Variants in PTPRG observed in about 807,000 individuals in gnomAD.
The protein encoded by PTPRG is receptor-type tyrosine-protein phosphatase gamma.
A neutral mutation model predicts 165.3 loss-of-function variants in PTPRG; 102 were observed. The observed-to-expected ratio is 0.62, with a 90% CI of 0.53 to 0.73. PTPRG has a LOEUF of 0.73. PTPRG is among the 30% of genes least tolerant of loss of function. PTPRG has a pLI of 0.00. For synonymous variants in PTPRG, 675 were observed against 669.5 expected, an observed-to-expected ratio of 1.01 and a Z score of -0.13; for missense variants, 1,866 against 1,861.4, an observed-to-expected ratio of 1.00 and a Z score of -0.05.
chr3:62,085,055 A>G (rs537259046), intron 5 of PTPRG, among the ~76,000 whole-genome samples: 18 of 152,290 alleles, frequency 1.2e-4, no homozygotes, highest in African/African-American at 4.1e-4. Context: ...AAACTCTCTG[A>G]AGTTGAAGTC....
chr3:62,018,396 C>T (rs147202605), intron 4 of PTPRG, among the ~76,000 whole-genome samples: 1 of 152,318 alleles, frequency 6.6e-6, no homozygotes, highest in Admixed American at 6.5e-5. Flanking sequence ...TGCTCAATCT[C>T]ACCGTTTCCC....
chr3:61,961,229 G>A (rs1408619015), intron 2 of PTPRG, among the ~76,000 whole-genome samples: 1 of 152,218 alleles, frequency 6.6e-6, no homozygotes, highest in East Asian at 1.9e-4. Flanking sequence ...CATTATCTTA[G>A]GCAGCATAAG....
intron 2 of PTPRG, among the ~76,000 whole-genome samples, chr3:61,899,936 A>T (rs2038456206): frequency 1.3e-5 from 2 of 152,226 alleles, no homozygotes; most frequent in African/African-American, 4.8e-5. Context: ...GGCATAAGGG[A>T]TAATAACTCT....
At chr3:62,291,454 G>A (rs1702895729) in intron 28 of PTPRG, among the ~76,000 whole-genome samples, 1 of 151,770 alleles carries the variant, frequency 6.6e-6, no homozygotes, top group African/African-American at 2.4e-5. Flanking sequence ...CTGAAATGTA[G>A]TGATACACCT....
At chr3:61,578,245 G>T (rs1700210570) in intron 1 of PTPRG, among the ~76,000 whole-genome samples, 1 of 152,206 alleles carries the variant, frequency 6.6e-6, no homozygotes, top group Non-Finnish European at 1.5e-5. Flanking sequence ...CAATTTGAAA[G>T]GTAGAAGGGA....
chr3:61,613,336 G>A (rs1701224711), intron 1 of PTPRG, among the ~76,000 whole-genome samples: 1 of 152,116 alleles, frequency 6.6e-6, no homozygotes, highest in African/African-American at 2.4e-5. Context: ...GTTCCTTTAA[G>A]CAAAGCATCA....
intron 9 of PTPRG, among the ~76,000 whole-genome samples, chr3:62,192,076 C>T (rs924486641): frequency 6.6e-6 from 1 of 152,192 alleles, no homozygotes; most frequent in African/African-American, 2.4e-5. Context: ...TCCTCTTCCT[C>T]TTCCCCTACT....
In PTPRG at chr3:62,213,986, CAGA is replaced by C. The variant is rs1700431883; in HGVS notation, c.2156-4862_2156-4860del. Reference sequence around the variant, plus strand: ...CTGAGGCAGGAGGATCCCTTGAGCCCAGAAGTTCGAGACCAGCCTGGGCAACAT... The same window carrying C: ...CTGAGGCAGGAGGATCCCTTGAGCCCAGTTCGAGACCAGCCTGGGCAACAT... On this transcript the variant is annotated intron_variant, in intron 12 of 29. Coordinates refer to ENST00000474889, the MANE Select transcript of PTPRG (RefSeq NM_002841.4). The surrounding 1 kb of genome is among the most constrained non-coding windows in gnomAD (Gnocchi z 4.4). Among the ~76,000 whole-genome samples, 2 of 152,072 alleles carry C rather than the reference CAGA, an allele frequency of 1.3e-5. No homozygotes were observed. Among genetic ancestry groups the C allele is most frequent in the East Asian group, 3.9e-4 (2 of 5,152 alleles).
intron 2 of PTPRG, among the ~76,000 whole-genome samples, chr3:61,772,941 TG>T (rs1425588279): frequency 6.6e-6 from 1 of 152,170 alleles, no homozygotes; most frequent in African/African-American, 2.4e-5. Flanking sequence ...GAGAAATGAG[TG>T]GAACTCCATA....
chr3:62,119,688 T>C (rs1702990838), intron 5 of PTPRG, among the ~76,000 whole-genome samples: 1 of 151,992 alleles, frequency 6.6e-6, no homozygotes, highest in Admixed American at 6.5e-5. Flanking sequence ...TGGCACAGTC[T>C]TGGCTCACTG....
intron 2 of PTPRG, among the ~76,000 whole-genome samples, chr3:61,873,551 G>A (rs536229131): frequency 1.3e-5 from 2 of 152,234 alleles, no homozygotes; most frequent in African/African-American, 2.4e-5. Context: ...TTAGATAGCT[G>A]TCGGAAAAGA....
intron 2 of PTPRG, among the ~76,000 whole-genome samples, chr3:61,823,490 C>T (rs965196492): frequency 9.9e-4 from 150 of 151,924 alleles, no homozygotes; most frequent in African/African-American, 3.3e-3. Context: ...CCTGGCCGCA[C>T]AGGGGTTATT....
intron 11 of PTPRG, among the ~76,000 whole-genome samples, chr3:62,201,842 A>C (rs1417019514): frequency 6.6e-6 from 1 of 152,198 alleles, no homozygotes; most frequent in African/African-American, 2.4e-5. Context: ...AAGGAGTTAA[A>C]TCTGTTCCAA....
At chr3:62,105,419 A>G (rs10510872) in intron 5 of PTPRG, among the ~76,000 whole-genome samples, 107,832 of 152,072 alleles carry the variant, frequency 0.71, 38,676 homozygotes, top group Middle Eastern at 0.79. Flanking sequence ...GTTGCTCCAA[A>G]TGAATTTCTA....
chr3:61,696,977 G>T (rs1383795735), intron 1 of PTPRG, among the ~76,000 whole-genome samples: 1 of 152,166 alleles, frequency 6.6e-6, no homozygotes, highest in Non-Finnish European at 1.5e-5. Context: ...CCTGGAGTTA[G>T]TTATTGGGAA....
chr3:62,057,721 A>T (rs1306650841), intron 4 of PTPRG, among the ~76,000 whole-genome samples: 1 of 152,222 alleles, frequency 6.6e-6, no homozygotes, highest in African/African-American at 2.4e-5. Flanking sequence ...AAAGGAAAAA[A>T]TAGAAAAAAT....
intron 4 of PTPRG, among the ~76,000 whole-genome samples, chr3:62,067,587 C>CTGAGCGTGT (rs1305567736): frequency 6.6e-6 from 1 of 152,068 alleles, no homozygotes; most frequent in African/African-American, 2.4e-5. Context: ...AGTGGGAGCC[C>CTGAGCGTGT]TGAGCGTGTT....
chr3:62,227,844 G>GT (rs1405205198), intron 13 of PTPRG, among the ~76,000 whole-genome samples: 6 of 152,254 alleles, frequency 3.9e-5, no homozygotes, highest in African/African-American at 1.4e-4. Context: ...TAGCTAACAT[G>GT]TTTTTTTAAA....
chr3:62,269,275 AG>A, intron 20 of PTPRG, 106 bp downstream of exon 20: 1 of 1,205,366 alleles, frequency 8.3e-7, no homozygotes, highest in Non-Finnish European at 1.1e-6. Flanking sequence ...GTTTTTAAAA[AG>A]TATTTTTAAA....
Sources: gnomAD v4.1 joint callset for allele counts (sites outside exome capture counted in the v4.1 genomes callset) on GRCh38, gnomAD v4.1.1 for gene constraint, Gnocchi (gnomAD v3.1) non-coding constraint, MANE v1.5 for transcripts, NCBI Gene and HGNC (gene_info 2026-07-23, HGNC 2026-07-21) for gene names.